The following CCDC158 variants were observed in gnomAD, a reference collection of about 807,000 sequenced individuals.
The protein encoded by CCDC158 is coiled-coil domain-containing protein 158.
Under a neutral mutation model 138.6 loss-of-function variants are expected in CCDC158, and 116 were observed. The observed-to-expected ratio is 0.84, with a 90% CI of 0.72 to 0.98. The LOEUF is 0.98. Among genes scored for constraint, CCDC158 ranks in the 50% least tolerant of loss-of-function variants. The pLI is 0.00. For missense variants in CCDC158, 1,265 were observed against 1,306.1 expected, an observed-to-expected ratio of 0.97 and a Z score of 0.48; for synonymous variants, 436 against 442.4, an observed-to-expected ratio of 0.99 and a Z score of 0.18.
In CCDC158 at chr4:76,323,357, C is replaced by T. The variant is rs372030998; in HGVS notation, c.3222G>A (p.Gln1074=). ...GAGTTTGCAAGCTTTCTAGTCTGTT[C>T]TGAAGCTTCCTGCATGTTTTTCCTG... ...ETTGKTCRKL[Q]NRLESLQTLV... Residue 1074 remains glutamine, a synonymous_variant, in exon 24 of 25, where the codon CAG becomes CAA. Transcript: ENST00000682701. 285 of 1,612,744 alleles carry T rather than the reference C, an allele frequency of 1.8e-4. 1 individual carries two copies. The highest frequency in any genetic ancestry group is 2.2e-4 in the Non-Finnish European group (265 of 1,179,422).
intron 18 of CCDC158, among the ~76,000 whole-genome samples, chr4:76,337,790 T>C (rs1194699525): frequency 6.6e-6 from 1 of 151,936 alleles, no homozygotes; most frequent in Non-Finnish European, 1.5e-5. Flanking sequence ...TAGTTTCATA[T>C]AACTCTTATC....
chr4:76,348,268 CAAAA>C (rs11453657), intron 18 of CCDC158, among the ~76,000 whole-genome samples: 3,332 of 125,950 alleles, frequency 0.026, 126 homozygotes, highest in African/African-American at 0.094. Flanking sequence ...ACTAAATATA[CAAAA>C]AAAAAAAAAA....
chr4:76,367,190 C>A, intron 12 of CCDC158, 104 bp downstream of exon 12: 1 of 1,252,208 alleles, frequency 8.0e-7, no homozygotes, highest in Non-Finnish European at 1.1e-6. Flanking sequence ...CACCTTCCAA[C>A]AGTTTCAGAG....
intron 1 of CCDC158, among the ~76,000 whole-genome samples, chr4:76,418,468 T>C (rs923640458): frequency 7.9e-5 from 12 of 151,812 alleles, no homozygotes; most frequent in Non-Finnish European, 7.4e-5. Context: ...ATGTGGGGAG[T>C]GTATTAGTCT....
In CCDC158 at chr4:76,396,406, C is replaced by A; in HGVS notation, c.151G>T (p.Val51Phe). The A allele has an allele frequency of 6.2e-7, 1 of 1,613,872 alleles. No individual in the cohort carries two copies. The highest frequency in any genetic ancestry group is 8.5e-7 in the Non-Finnish European group (1 of 1,179,850). Residue 51 changes from valine to phenylalanine, a missense_variant, in exon 4 of 25, where the codon GTT becomes TTT. Val to Phe is a conservative substitution (Grantham distance 50). Coordinates refer to ENST00000682701, the MANE Select transcript of CCDC158 (RefSeq NM_001394954.1). ...NTSSAGTLTQVPFFPKYEVEL... is the reference protein window; with the variant it reads ...NTSSAGTLTQFPFFPKYEVEL... Reference sequence around the variant, plus strand: ...ACTTCATATTTAGGGAAAAAAGGAACCTGTGTCAAAGTCCCAGCTGAAGAT... The same window carrying A: ...ACTTCATATTTAGGGAAAAAAGGAAACTGTGTCAAAGTCCCAGCTGAAGAT...
chr4:76,392,051 A>G (rs1579062890), intron 4 of CCDC158, among the ~76,000 whole-genome samples: 1 of 152,118 alleles, frequency 6.6e-6, no homozygotes, highest in East Asian at 1.9e-4. Flanking sequence ...ACATTTAAAG[A>G]AGTAACACCA....
intron 14 of CCDC158, among the ~76,000 whole-genome samples, chr4:76,356,921 C>A (rs1723626718): frequency 6.6e-6 from 1 of 151,986 alleles, no homozygotes; most frequent in South Asian, 2.1e-4. Flanking sequence ...TGAGAAGGTC[C>A]CCTCACCTAA....
chr4:76,341,357 T>C (rs1007804764), intron 18 of CCDC158, among the ~76,000 whole-genome samples: 1 of 152,184 alleles, frequency 6.6e-6, no homozygotes, highest in African/African-American at 2.4e-5. Flanking sequence ...CCATTCTATT[T>C]TGAGAATGTC....
At chr4:76,412,283 T>G (rs1271863892) in intron 1 of CCDC158, among the ~76,000 whole-genome samples, 151 bp from the exon 2 acceptor site, 1 of 152,136 alleles carries the variant, frequency 6.6e-6, no homozygotes, top group Non-Finnish European at 1.5e-5. Context: ...CAACAAGAAG[T>G]GTTATTTTTT....
At chr4:76,394,900 A>G (rs898555087) in intron 4 of CCDC158, among the ~76,000 whole-genome samples, 16 of 152,180 alleles carry the variant, frequency 1.1e-4, no homozygotes, top group Non-Finnish European at 5.9e-5. Flanking sequence ...TAGACTGAGC[A>G]AAAGGTCAGA....
intron 20 of CCDC158, 50 bp downstream of exon 20, chr4:76,332,382 A>G (rs774653193): frequency 6.8e-7 from 1 of 1,475,382 alleles, no homozygotes; most frequent in South Asian, 1.2e-5. Context: ...AAGGCCACAT[A>G]TAAAATATTT....
chr4:76,393,184 C>G (rs28862443), intron 4 of CCDC158, among the ~76,000 whole-genome samples: 4,477 of 151,844 alleles, frequency 0.029, 219 homozygotes, highest in African/African-American at 0.1. Context: ...AAGCTATCCT[C>G]AACAAAAAGA....
At chr4:76,319,515 T>C (rs1380851720) in intron 24 of CCDC158, among the ~76,000 whole-genome samples, 2 of 89,446 alleles carry the variant, frequency 2.2e-5, no homozygotes, top group African/African-American at 4.3e-5. Flanking sequence ...TATATGTCCA[T>C]GATGAACATA....
chr4:76,318,705 A>G (rs1027774486), intron 24 of CCDC158, among the ~76,000 whole-genome samples: 2 of 152,186 alleles, frequency 1.3e-5, no homozygotes, highest in African/African-American at 4.8e-5. Context: ...AGGACATAAC[A>G]AAAAAAGAAA....
rs1730088369 is a variant in CCDC158 at position 76,421,089 on chromosome 4, C to T, written c.-241G>A. On this transcript the variant is annotated 5_prime_UTR_variant, in exon 1 of 25. Transcript: ENST00000682701. ...CGGCTCCCCACTCTTCGCCCCTAGGCCCCGCGGAGGCTGCGGGGCGGCTCC... is the reference window on the plus strand; with the variant it reads ...CGGCTCCCCACTCTTCGCCCCTAGGTCCCGCGGAGGCTGCGGGGCGGCTCC... Among the ~76,000 whole-genome samples the T allele has an allele frequency of 6.6e-6, 1 of 152,024 alleles. No individual in the cohort carries two copies. Among genetic ancestry groups the T allele is most frequent in the Non-Finnish European group, 1.5e-5 (1 of 67,984 alleles).
intron 1 of CCDC158, among the ~76,000 whole-genome samples, chr4:76,417,225 G>T: frequency 6.6e-6 from 1 of 152,062 alleles, no homozygotes. Flanking sequence ...CTTTGTTTTG[G>T]CCAATTTCTC....
intron 7 of CCDC158, among the ~76,000 whole-genome samples, chr4:76,383,403 C>G (rs1726463979): frequency 6.6e-6 from 1 of 152,102 alleles, no homozygotes; most frequent in Non-Finnish European, 1.5e-5. Context: ...CCCCATTTGG[C>G]CTTGTATTGG....
intron 2 of CCDC158, among the ~76,000 whole-genome samples, chr4:76,409,095 T>G (rs1166416801): frequency 6.6e-6 from 1 of 152,246 alleles, no homozygotes; most frequent in Non-Finnish European, 1.5e-5. Context: ...CTGTTGCCAA[T>G]GCTGGTAGTT....
At chr4:76,400,960 C>A (rs1167173453) in intron 3 of CCDC158, among the ~76,000 whole-genome samples, 5 of 152,110 alleles carry the variant, frequency 3.3e-5, no homozygotes, top group African/African-American at 4.8e-5. Flanking sequence ...GAGAAAATGG[C>A]AGAACCTAAA....
Sources: gnomAD v4.1 joint callset for allele counts (sites outside exome capture counted in the v4.1 genomes callset) on GRCh38, gnomAD v4.1.1 for gene constraint, MANE v1.5 for transcripts, NCBI Gene and HGNC (gene_info 2026-07-23, HGNC 2026-07-21) for gene names.